Variants in FBXL17 observed in about 807,000 individuals in gnomAD.
The protein encoded by FBXL17 is F-box/LRR-repeat protein 17.
In FBXL17, 22 loss-of-function variants were observed where a neutral mutation model predicts 66.2. That is an observed-to-expected ratio of 0.33 (90% CI 0.24 to 0.47). FBXL17 has a LOEUF of 0.47. Among genes scored for constraint, FBXL17 ranks in the 20% least tolerant of loss-of-function variants. FBXL17 has a pLI of 1.00. For missense variants in FBXL17, 878 were observed against 948.2 expected (o/e 0.93, Z 0.97); for synonymous variants, 474 against 400.5 (o/e 1.18, Z -2.19).
At chr5:108,261,081 A>C (rs1293467233) in intron 4 of FBXL17, among the ~76,000 whole-genome samples, 1 of 152,144 alleles carries the variant, frequency 6.6e-6, no homozygotes, top group African/African-American at 2.4e-5. Context: ...AAAATACAAT[A>C]GAGATAAACA....
At chr5:108,109,140 T>C (rs2149950737) in intron 6 of FBXL17, among the ~76,000 whole-genome samples, 1 of 152,156 alleles carries the variant, frequency 6.6e-6, no homozygotes, top group Non-Finnish European at 1.5e-5. Flanking sequence ...GTAAGGGAAA[T>C]ACCTGAGATT....
chr5:108,083,858 G>T (rs1000528994), intron 6 of FBXL17, among the ~76,000 whole-genome samples: 1 of 152,116 alleles, frequency 6.6e-6, no homozygotes, highest in Non-Finnish European at 1.5e-5. Flanking sequence ...AGGGACCTGG[G>T]CCTGGAATCC....
chr5:107,894,683 T>C (rs996795375), intron 7 of FBXL17, among the ~76,000 whole-genome samples: 1 of 152,150 alleles, frequency 6.6e-6, no homozygotes, highest in Non-Finnish European at 1.5e-5. Flanking sequence ...CTCACTCTTA[T>C]ATATAATTAT....
intron 4 of FBXL17, among the ~76,000 whole-genome samples, chr5:108,307,564 T>A (rs1369081627): frequency 1.3e-5 from 2 of 152,130 alleles, no homozygotes; most frequent in Admixed American, 6.6e-5. Context: ...CACCTTGGCC[T>A]CTCAAAGTGC....
At chr5:108,333,218 A>G (rs961830347) in intron 4 of FBXL17, among the ~76,000 whole-genome samples, 2 of 150,642 alleles carry the variant, frequency 1.3e-5, no homozygotes, top group Non-Finnish European at 3.0e-5. Flanking sequence ...ATATATTTAT[A>G]GCTAACAGTA....
chr5:108,376,421 T>C (rs1029857173), intron 1 of FBXL17, among the ~76,000 whole-genome samples: 4 of 152,162 alleles, frequency 2.6e-5, no homozygotes, highest in African/African-American at 9.7e-5. Flanking sequence ...AATAAGCAAA[T>C]ATTTTTATAT....
chr5:108,195,482 G>C (rs190856161), intron 5 of FBXL17, among the ~76,000 whole-genome samples: 150 of 152,194 alleles, frequency 9.9e-4, no homozygotes, highest in African/African-American at 3.4e-3. Flanking sequence ...CAGGAGACAT[G>C]GTCAAAGAGG....
chr5:107,919,587 C>G (rs1403176631), intron 7 of FBXL17, among the ~76,000 whole-genome samples: 1 of 152,188 alleles, frequency 6.6e-6, no homozygotes, highest in East Asian at 1.9e-4. Context: ...TCACTCCACT[C>G]CAGCTACACT....
intron 6 of FBXL17, among the ~76,000 whole-genome samples, chr5:108,114,095 G>A (rs1338670022): frequency 1.3e-5 from 2 of 152,104 alleles, no homozygotes; most frequent in African/African-American, 2.4e-5. Context: ...TTACACAGCA[G>A]TGCTGTATAT....
Position 108,381,052 on chromosome 5 carries a change from G to A in FBXL17, c.640C>T (p.Arg214Cys). Residue 214 changes from arginine to cysteine, a missense_variant, in exon 1 of 9, where the codon CGC becomes TGC. Transcript: ENST00000542267. ...VPACTPCKQP[R>C]CGGGGCGGGG... Reference sequence around the variant, plus strand: ...CCGCCGCAGCCCCCGCCGCCGCAGCGGGGCTGCTTGCAGGGGGTGCAGGCG... The same window carrying A: ...CCGCCGCAGCCCCCGCCGCCGCAGCAGGGCTGCTTGCAGGGGGTGCAGGCG... The A allele has an allele frequency of 8.2e-7, 1 of 1,213,208 alleles. No homozygotes were observed. Among genetic ancestry groups the A allele is most frequent in the Non-Finnish European group, 1.0e-6 (1 of 976,638 alleles). The allele number at this position is 1,213,208 out of a possible 1,614,324, so 75.2% of individuals were successfully genotyped here.
At chr5:108,059,656 C>T (rs1056210552) in intron 6 of FBXL17, among the ~76,000 whole-genome samples, 1 of 152,184 alleles carries the variant, frequency 6.6e-6, no homozygotes, top group Non-Finnish European at 1.5e-5. Flanking sequence ...AAATGACCAT[C>T]ATCGTCAGAA....
At chr5:108,035,742 G>A (rs1457944583) in intron 6 of FBXL17, among the ~76,000 whole-genome samples, 1 of 152,042 alleles carries the variant, frequency 6.6e-6, no homozygotes, top group Non-Finnish European at 1.5e-5. Context: ...TTATTATTGA[G>A]CCTTGTTTCC....
At chr5:108,341,267 T>A (rs1746865874) in intron 4 of FBXL17, among the ~76,000 whole-genome samples, 1 of 152,150 alleles carries the variant, frequency 6.6e-6, no homozygotes, top group Non-Finnish European at 1.5e-5. Context: ...TATTTAACCA[T>A]ATGTCACTAG....
chr5:108,143,173 C>A (rs967575705), intron 6 of FBXL17, among the ~76,000 whole-genome samples: 1 of 151,906 alleles, frequency 6.6e-6, no homozygotes, highest in African/African-American at 2.4e-5. Context: ...TCCACAAAAC[C>A]AGTCCCTGGT....
intron 4 of FBXL17, among the ~76,000 whole-genome samples, chr5:108,241,466 A>G (rs189742862): frequency 2.6e-5 from 4 of 151,702 alleles, no homozygotes; most frequent in East Asian, 3.9e-4. Flanking sequence ...AGGAACAAAG[A>G]AAAAAAAAGA....
chr5:107,887,877 T>A (rs1561518587), intron 7 of FBXL17, among the ~76,000 whole-genome samples: 1 of 152,186 alleles, frequency 6.6e-6, no homozygotes, highest in Admixed American at 6.5e-5. Context: ...TGGAACAGAA[T>A]AACCTACAGC....
intron 7 of FBXL17, among the ~76,000 whole-genome samples, chr5:108,020,608 A>G (rs1754556244): frequency 1.3e-5 from 2 of 151,838 alleles, no homozygotes; most frequent in African/African-American, 4.8e-5. Flanking sequence ...ATTATGCTCA[A>G]CATTTTATTG....
At chr5:108,148,922 C>G (rs2149994086) in intron 6 of FBXL17, among the ~76,000 whole-genome samples, 1 of 152,292 alleles carries the variant, frequency 6.6e-6, no homozygotes, top group Admixed American at 6.5e-5. Flanking sequence ...TGTTTATAAT[C>G]TCTTAAATGT....
At chr5:108,083,558 T>A (rs933212009) in intron 6 of FBXL17, among the ~76,000 whole-genome samples, 2 of 138,290 alleles carry the variant, frequency 1.4e-5, no homozygotes, top group Non-Finnish European at 3.0e-5. Flanking sequence ...TCCCACCATA[T>A]TTTTTGTGGC....
Sources: gnomAD v4.1 joint callset for allele counts (sites outside exome capture counted in the v4.1 genomes callset) on GRCh38, gnomAD v4.1.1 for gene constraint, MANE v1.5 for transcripts, NCBI Gene and HGNC (gene_info 2026-07-23, HGNC 2026-07-21) for gene names.